The following VAC14 variants were observed in gnomAD, a reference collection of about 807,000 sequenced individuals.
VAC14 encodes protein VAC14 homolog.
VAC14 carries 47 observed loss-of-function variants against 85.3 expected under a neutral mutation model. The ratio of observed to expected loss-of-function variants is 0.55; its 90% CI spans 0.44 to 0.70. The LOEUF (loss-of-function observed/expected upper bound fraction) is 0.70, where lower values mean the gene tolerates loss of function less well. Ranked by LOEUF, VAC14 falls within the 30% of genes least tolerant of loss-of-function variation. The pLI, the probability that VAC14 is intolerant of heterozygous loss-of-function variation, is 0.00. For missense variants in VAC14, 861 were observed against 1,004.3 expected (o/e 0.86, Z 1.93); for synonymous variants, 447 against 430.5 (o/e 1.04, Z -0.47).
At position 70,688,073 on chromosome 16, in the gene VAC14, G is replaced by A. The variant is rs1244879306; in HGVS notation, c.2204C>T (p.Ala735Val). ...LLQTEDSLKAAPKSQKADSPS... is the reference protein window; with the variant it reads ...LLQTEDSLKAVPKSQKADSPS... ...GGAGTCAGCTTTCTGGGACTTGGGGGCTGCCTTTAGACTGTCTCTGGGAAG... is the reference window on the plus strand; with the variant it reads ...GGAGTCAGCTTTCTGGGACTTGGGGACTGCCTTTAGACTGTCTCTGGGAAG... The change falls in exon 19 of 19, where the codon GCC becomes GTC. Residue 735 changes from alanine (A) to valine (V), a missense_variant. Physicochemically the swap from Ala to Val is moderately conservative, Grantham distance 64. Around this residue, in one of 3 missense-constraint regions of VAC14, gnomAD observed 163 missense variants for 162.2 expected, o/e 1.00. Transcript: ENST00000261776. 1 of 1,590,520 alleles carries A rather than the reference G, an allele frequency of 6.3e-7. No individual in the cohort carries two copies. Among genetic ancestry groups the A allele is most frequent in the Non-Finnish European group, 8.6e-7 (1 of 1,166,164 alleles).
Position 70,687,456 on chromosome 16 carries a change from T to C in VAC14, c.*472A>G, listed in dbSNP as rs1261996970. ...GGCTCGGGTTGAGGGTTTTCTGTTA[T>C]TTCTTTATTGGGGTGGGGGTGGGGT... On this transcript the variant is annotated 3_prime_UTR_variant, in exon 19 of 19. Coordinates refer to ENST00000261776, the MANE Select transcript of VAC14 (RefSeq NM_018052.5). 1 of 152,066 alleles carries C rather than the reference T, an allele frequency of 6.6e-6. No individual in the cohort carries two copies. The highest frequency in any genetic ancestry group is 2.4e-5 in the African/African-American group (1 of 41,194). The allele number at this position is 152,066 out of a possible 1,614,324, so 9.4% of individuals were successfully genotyped here.
At chr16:70,756,609 T>G (rs1317175226) in intron 12 of VAC14, among the ~76,000 whole-genome samples, 1 of 152,044 alleles carries the variant, frequency 6.6e-6, no homozygotes, top group African/African-American at 2.4e-5. Flanking sequence ...GGCGCCCCAT[T>G]CCTCTCCCCT....
intron 18 of VAC14, among the ~76,000 whole-genome samples, 171 bp downstream of exon 18, chr16:70,692,650 A>G (rs2053620005): frequency 6.6e-6 from 1 of 151,632 alleles, no homozygotes; most frequent in Non-Finnish European, 1.5e-5. Context: ...TGGACACAAG[A>G]GGCCAAGGGG....
intron 10 of VAC14, among the ~76,000 whole-genome samples, chr16:70,764,327 C>A (rs1340626526): frequency 6.6e-6 from 1 of 152,222 alleles, no homozygotes; most frequent in Non-Finnish European, 1.5e-5. Context: ...GAGCCTGGAA[C>A]TGAGTCTCTG....
intron 10 of VAC14, among the ~76,000 whole-genome samples, chr16:70,764,753 C>T (rs956985134): frequency 3.3e-5 from 5 of 152,178 alleles, no homozygotes; most frequent in Non-Finnish European, 7.3e-5. Flanking sequence ...TGCATTTCAC[C>T]GTTACGGTGC....
intron 10 of VAC14, among the ~76,000 whole-genome samples, chr16:70,766,085 T>A (rs1430966391): frequency 6.7e-6 from 1 of 149,398 alleles, no homozygotes; most frequent in Non-Finnish European, 1.5e-5. Context: ...AGCTGTCAGC[T>A]CACCTATGGT....
intron 10 of VAC14, chr16:70,766,491 G>T (rs1392426323): frequency 2.2e-6 from 1 of 456,782 alleles, no homozygotes; most frequent in Non-Finnish European, 4.4e-6. Context: ...TCTTCAGGCT[G>T]CTACTGAGGC....
At chr16:70,797,386 A>T (rs192670962) in intron 1 of VAC14, among the ~76,000 whole-genome samples, 70 of 152,282 alleles carry the variant, frequency 4.6e-4, no homozygotes, top group Non-Finnish European at 8.2e-4. Flanking sequence ...AGCAACCTTA[A>T]TTCCCCCTTG....
intron 12 of VAC14, among the ~76,000 whole-genome samples, chr16:70,751,787 C>T (rs2031408287): frequency 6.6e-6 from 1 of 152,236 alleles, no homozygotes. Context: ...CACCAGCTGG[C>T]ACCGGGGCCA....
intron 14 of VAC14, 79 bp downstream of exon 14, chr16:70,731,416 G>A: frequency 1.3e-6 from 2 of 1,552,776 alleles, no homozygotes; most frequent in Non-Finnish European, 1.7e-6. Context: ...GAAGGTGGCT[G>A]CTTTGACACT....
At chr16:70,777,144 C>T (rs760130725) in intron 9 of VAC14, among the ~76,000 whole-genome samples, 5 of 152,022 alleles carry the variant, frequency 3.3e-5, no homozygotes, top group East Asian at 1.9e-4. Context: ...GGGGTTTCAC[C>T]ATGTTGGCCA....
chr16:70,759,421 G>A (rs866849655), intron 12 of VAC14, among the ~76,000 whole-genome samples: 1 of 152,176 alleles, frequency 6.6e-6, no homozygotes, highest in Admixed American at 6.5e-5. Context: ...GAGGTCAGGA[G>A]TTCAAGACCA....
At chr16:70,779,342 T>G (rs1313888424) in intron 9 of VAC14, among the ~76,000 whole-genome samples, 1 of 152,262 alleles carries the variant, frequency 6.6e-6, no homozygotes, top group East Asian at 1.9e-4. Flanking sequence ...TTGGCTCCTG[T>G]GGGCAGGTTC....
chr16:70,800,969 G>T lies in VAC14; in HGVS notation c.-69C>A. The T allele has an allele frequency of 8.3e-7, 1 of 1,208,222 alleles. No individual in the cohort carries two copies. The highest frequency in any genetic ancestry group is 1.5e-5 in the South Asian group (1 of 66,274). 74.8% of individuals were successfully genotyped at this position (1,208,222 alleles called of 1,614,324 possible). ...CCGGGGCCGCGCCGGGGCCAGGGGA[G>T]TCTGCGGCTCCGCTCTGCCCCCGGC... On this transcript the variant is annotated 5_prime_UTR_variant, in exon 1 of 19. Coordinates refer to ENST00000261776, the MANE Select transcript of VAC14 (RefSeq NM_018052.5).
chr16:70,756,796 C>A (rs1328254056), intron 12 of VAC14, among the ~76,000 whole-genome samples: 2 of 152,220 alleles, frequency 1.3e-5, no homozygotes, highest in Non-Finnish European at 2.9e-5. Context: ...AGCTCCTTTT[C>A]AGATGCCCTT....
chr16:70,700,229 C>T (rs2053797215), intron 14 of VAC14: 1 of 152,180 alleles, frequency 6.6e-6, no homozygotes, highest in Admixed American at 6.5e-5. Flanking sequence ...AAAGCGCAAA[C>T]AGTAGGCAGG....
chr16:70,766,572 A>G (rs1369643441), intron 10 of VAC14: 1 of 456,380 alleles, frequency 2.2e-6, no homozygotes, highest in Non-Finnish European at 4.4e-6. Context: ...ACAATCCTTC[A>G]AGGTACGGAT....
chr16:70,783,786 G>A (rs1232970002), intron 5 of VAC14, among the ~76,000 whole-genome samples: 1 of 152,242 alleles, frequency 6.6e-6, no homozygotes, highest in Non-Finnish European at 1.5e-5. Context: ...CAGGGGAGAA[G>A]GGGATGGATG....
chr16:70,758,055 A>C lies in VAC14; in HGVS notation c.1371+4485T>G, dbSNP rs184747520. Among the ~76,000 whole-genome samples the C allele has an allele frequency of 2.7e-4, 41 of 152,320 alleles. 3 individuals carry two copies. The highest frequency in any genetic ancestry group is 2.0e-3 in the Admixed American group (31 of 15,306). ...GAGGGAAGTCATTCAGAATCACATC[A>C]AAATTACAAAACACTGAGAGTACTC... On this transcript the variant is annotated intron_variant, in intron 12 of 18. Coordinates refer to ENST00000261776, the MANE Select transcript of VAC14 (RefSeq NM_018052.5).
Sources: gnomAD v4.1 joint callset for allele counts (sites outside exome capture counted in the v4.1 genomes callset) on GRCh38, gnomAD v4.1.1 for gene constraint, gnomAD v4.1.1 regional missense constraint, MANE v1.5 for transcripts, NCBI Gene and HGNC (gene_info 2026-07-23, HGNC 2026-07-21) for gene names.